Variants in TMPRSS3 observed in about 807,000 individuals in gnomAD.
TMPRSS3 encodes the protein transmembrane serine protease 3, also known as transmembrane protease serine 3.
Under a neutral mutation model 59.6 loss-of-function variants are expected in TMPRSS3, and 55 were observed. The observed-to-expected ratio is 0.92, with a 90% CI of 0.74 to 1.16. TMPRSS3 has a LOEUF of 1.16. TMPRSS3 is among the 50% of genes most tolerant of loss of function. TMPRSS3 has a pLI of 0.00. For missense variants in TMPRSS3, 596 were observed against 579.4 expected (o/e 1.03, Z -0.29); for synonymous variants, 257 against 237.7 (o/e 1.08, Z -0.75).
In TMPRSS3 at chr21:42,388,533, G is replaced by T. The variant is rs752070843; in HGVS notation, c.323-7C>A. 1.2e-6 allele frequency: 2 copies of T among 1,614,190 alleles called. No individual in the cohort carries two copies. Among genetic ancestry groups the T allele is most frequent in the African/African-American group, 1.3e-5 (1 of 75,042 alleles). The stretch of plus-strand genomic sequence containing the variant: ...TTCTGACCACCCACCCGGACTGGCC[G>T]ATGTGCAGAAAGAAAGGCTTATTAG... On this transcript the variant is annotated splice_region_variant and splice_polypyrimidine_tract_variant and intron_variant, in intron 4 of 12. Transcript: ENST00000644384. This position sits in a 1 kb window ranked among gnomAD's most constrained non-coding sequence, Gnocchi z 5.1.
At chr21:42,390,776 G>T (rs1052412383) in intron 2 of TMPRSS3, among the ~76,000 whole-genome samples, 4 of 152,048 alleles carry the variant, frequency 2.6e-5, no homozygotes, top group African/African-American at 9.7e-5. Context: ...GGACAAACAT[G>T]CATGAAGGGA....
rs981777167 is a variant in TMPRSS3, at chr21:42,388,988, A to G, written c.263T>C (p.Leu88Pro). The change falls in exon 4 of 13, where the codon CTG (leucine) becomes CCG (proline). Residue 88 changes from leucine (L) to proline (P), a missense_variant. Coordinates refer to ENST00000644384, the MANE Select transcript of TMPRSS3 (RefSeq NM_001256317.3). This position sits in a 1 kb window ranked among gnomAD's most constrained non-coding sequence, Gnocchi z 5.1. The stretch of plus-strand genomic sequence containing the variant: ...CGAGACTCCGTCACATCGAGCTATC[A>G]GCTCGATACACTTAAAGGATGAGCG... ...RCRSSFKCIE[L>P]IARCDGVSDC... 4 of 1,614,248 alleles carry G rather than the reference A, an allele frequency of 2.5e-6. No homozygotes were observed. The Admixed American group carries it at 6.7e-5, about 27-fold the overall frequency.
At chr21:42,382,929 T>C in intron 8 of TMPRSS3, 104 bp downstream of exon 8, 1 of 1,392,916 alleles carries the variant, frequency 7.2e-7, no homozygotes, top group Non-Finnish European at 1.0e-6. Context: ...GAGGTTAGTC[T>C]CTCTGTCTTC....
rs373131153 is a variant in TMPRSS3 at position 42,385,550 on chromosome 21, A to G, written c.447-16T>C. On this transcript the variant is annotated splice_polypyrimidine_tract_variant and intron_variant, in intron 5 of 12. Coordinates refer to ENST00000644384, the MANE Select transcript of TMPRSS3 (RefSeq NM_001256317.3). ...ACTCACATAGCTGCAAGCACATTGG[A>G]AAGACAGACCCGACGTGGTAACTTT... 13 of 1,613,830 alleles carry G rather than the reference A, an allele frequency of 8.1e-6. No homozygotes were observed. Among genetic ancestry groups the G allele is most frequent in the Non-Finnish European group, 1.0e-5 (12 of 1,179,908 alleles).
At chr21:42,381,665 C>T (rs189768939) in intron 9 of TMPRSS3, among the ~76,000 whole-genome samples, 15 of 152,342 alleles carry the variant, frequency 9.8e-5, no homozygotes, top group Non-Finnish European at 1.9e-4. Flanking sequence ...CCAGACAAAG[C>T]ACACAGCCCA....
At position 42,372,758 on chromosome 21, in the gene TMPRSS3, C is replaced by G; in HGVS notation, c.*4G>C. 1 of 1,614,100 alleles carries G rather than the reference C, an allele frequency of 6.2e-7. No homozygotes were observed. Among genetic ancestry groups the G allele is most frequent in the South Asian group, 1.1e-5 (1 of 91,080 alleles). ...ACTCAGGTGGCTACTTGTCCCCTTC[C>G]TCTTCAGGTTTTTAGGTCTCTCTAT... is the stretch of plus-strand genomic sequence containing the variant. On this transcript the variant is annotated 3_prime_UTR_variant, in exon 13 of 13. Transcript: ENST00000644384.
rs1310047222 is a variant in TMPRSS3 at position 42,371,919 on chromosome 21, A to G, written c.*843T>C. On this transcript the variant is annotated 3_prime_UTR_variant, in exon 13 of 13. Coordinates refer to ENST00000644384, the MANE Select transcript of TMPRSS3 (RefSeq NM_001256317.3). ...GGAAGGAAACATATTATTTGGAATCAAAGGACAATAATACGTCAAGCACCA... is the reference window on the plus strand; with the variant it reads ...GGAAGGAAACATATTATTTGGAATCGAAGGACAATAATACGTCAAGCACCA... The G allele has an allele frequency of 1.3e-5, 6 of 454,238 alleles. No homozygotes were observed. The East Asian group carries it at 4.1e-4, about 31-fold the overall frequency. 28.1% of individuals were successfully genotyped at this position (454,238 alleles called of 1,614,324 possible).
In TMPRSS3 at chr21:42,389,922, C is replaced by T. The variant is rs1178780515; in HGVS notation, c.205+5G>A. ...AGATCCTACTAAATAATGAATTGTA[C>T]TCACTGCCCAGACCAATGGCCAGTG... On this transcript the variant is annotated splice_donor_5th_base_variant and intron_variant, in intron 3 of 12. Coordinates refer to ENST00000644384, the MANE Select transcript of TMPRSS3 (RefSeq NM_001256317.3). The T allele has an allele frequency of 2.5e-6, 4 of 1,602,668 alleles. No homozygotes were observed. Among genetic ancestry groups the T allele is most frequent in the Non-Finnish European group, 2.6e-6 (3 of 1,169,614 alleles).
chr21:42,388,460 G>A lies in TMPRSS3; in HGVS notation c.389C>T (p.Ser130Phe). 3 of 1,614,210 alleles carry A rather than the reference G, an allele frequency of 1.9e-6. No individual in the cohort carries two copies. Among genetic ancestry groups the A allele is most frequent in the Non-Finnish European group, 2.5e-6 (3 of 1,180,040 alleles). ...FTAASWKTMC[S>F]DDWKGHYANV... Reference sequence around the variant, plus strand: ...TGCGTAGTGACCCTTCCAGTCATCGGAGCACATGGTCTTCCACGAAGCAGC... The same window carrying A: ...TGCGTAGTGACCCTTCCAGTCATCGAAGCACATGGTCTTCCACGAAGCAGC... The change falls in exon 5 of 13, where the codon TCC (serine) becomes TTC (phenylalanine). Residue 130 changes from serine to phenylalanine, a missense_variant. Physicochemically the swap from Ser to Phe is radical, Grantham distance 155. Transcript: ENST00000644384. This position sits in a 1 kb window ranked among gnomAD's most constrained non-coding sequence, Gnocchi z 5.1.
In TMPRSS3 at chr21:42,372,313, A is replaced by T; in HGVS notation, c.*449T>A. On this transcript the variant is annotated 3_prime_UTR_variant, in exon 13 of 13. Coordinates refer to ENST00000644384, the MANE Select transcript of TMPRSS3 (RefSeq NM_001256317.3). The stretch of plus-strand genomic sequence containing the variant: ...GGTGGCCCATGCCTGTAATCCCAGC[A>T]CTGTGGGAGGCTGAAGCAGGCACAT... The T allele has an allele frequency of 2.2e-6, 1 of 455,374 alleles. No individual in the cohort carries two copies. Among genetic ancestry groups the T allele is most frequent in the South Asian group, 1.6e-5 (1 of 64,480 alleles). 28.2% of individuals were successfully genotyped at this position (455,374 alleles called of 1,614,324 possible). A position where few individuals can be genotyped will look rare whatever the true frequency, so the allele number is the denominator to read the frequency against.
At chr21:42,394,085 C>A (rs1000493385) in intron 2 of TMPRSS3, among the ~76,000 whole-genome samples, 2 of 152,022 alleles carry the variant, frequency 1.3e-5, no homozygotes, top group South Asian at 4.2e-4. Context: ...TTTTAAAAAT[C>A]TTTTCAATGA....
At position 42,372,333 on chromosome 21, in the gene TMPRSS3, G is replaced by T. The variant is rs760132655; in HGVS notation, c.*429C>A. The T allele has an allele frequency of 2.0e-5, 9 of 456,188 alleles. No individual in the cohort carries two copies. Among genetic ancestry groups the T allele is most frequent in the South Asian group, 1.1e-4 (7 of 64,500 alleles). 28.3% of individuals were successfully genotyped at this position (456,188 alleles called of 1,614,324 possible). ...CCAGCACTGTGGGAGGCTGAAGCAG[G>T]CACATCATTTGAGGTCAGGGGTTTG... On this transcript the variant is annotated 3_prime_UTR_variant, in exon 13 of 13. Coordinates refer to ENST00000644384, the MANE Select transcript of TMPRSS3 (RefSeq NM_001256317.3).
At chr21:42,389,322 G>A (rs1471601710) in intron 3 of TMPRSS3, among the ~76,000 whole-genome samples, 1 of 152,224 alleles carries the variant, frequency 6.6e-6, no homozygotes, top group African/African-American at 2.4e-5. Flanking sequence ...GGTCAAGAGA[G>A]AAACTGCATG....
rs1299378382 is a variant in TMPRSS3 at position 42,372,590 on chromosome 21, G to A, written c.*172C>T. ...AACAAAAAACAAAAAGCAGCTTGAA[G>A]GTTGTGCTGGAATCAGATGGAAGGG... On this transcript the variant is annotated 3_prime_UTR_variant, in exon 13 of 13. Transcript: ENST00000644384. 1.3e-5 allele frequency: 10 copies of A among 789,248 alleles called. No individual in the cohort carries two copies. The highest frequency in any genetic ancestry group is 6.8e-5 in the South Asian group (5 of 73,420). 48.9% of individuals were successfully genotyped at this position (789,248 alleles called of 1,614,324 possible).
intron 7 of TMPRSS3, 28 bp from the exon 8 acceptor site, chr21:42,383,226 T>A: frequency 6.2e-7 from 1 of 1,613,292 alleles, no homozygotes; most frequent in Non-Finnish European, 8.5e-7. Context: ...GGCTTGTGGG[T>A]CCACCCTGCA....
chr21:42,394,052 G>A (rs1160220897), intron 2 of TMPRSS3, among the ~76,000 whole-genome samples: 1 of 152,160 alleles, frequency 6.6e-6, no homozygotes, highest in Non-Finnish European at 1.5e-5. Flanking sequence ...TTATCTCTGA[G>A]TAATGATGCC....
At chr21:42,380,734 G>A (rs541487274) in intron 9 of TMPRSS3, among the ~76,000 whole-genome samples, 26 of 152,358 alleles carry the variant, frequency 1.7e-4, no homozygotes, top group African/African-American at 5.0e-4. Context: ...ATCTGGAGGC[G>A]ACGAGTTTGC....
chr21:42,374,445 G>C (rs996819956), intron 12 of TMPRSS3, among the ~76,000 whole-genome samples: 28 of 152,232 alleles, frequency 1.8e-4, no homozygotes, highest in African/African-American at 6.5e-4. Context: ...GAGCAAAACG[G>C]GAATTAACGC....
intron 2 of TMPRSS3, among the ~76,000 whole-genome samples, chr21:42,390,593 T>C (rs2052719724): frequency 6.6e-6 from 1 of 152,148 alleles, no homozygotes; most frequent in Non-Finnish European, 1.5e-5. Context: ...CTGGGCATGA[T>C]GGCAGGCACC....
Sources: allele counts gnomAD v4.1 joint callset (sites outside exome capture counted in the v4.1 genomes callset), GRCh38; gene constraint gnomAD v4.1.1; non-coding constraint Gnocchi (gnomAD v3.1); transcripts MANE v1.5; gene names NCBI Gene and HGNC (gene_info 2026-07-23, HGNC 2026-07-21).